Variants in PCDH11X observed in about 807,000 individuals in gnomAD.
The protein encoded by PCDH11X is protocadherin-11 X-linked.
A neutral mutation model predicts 53.3 loss-of-function variants in PCDH11X; 18 were observed. The ratio of observed to expected loss-of-function variants is 0.34; its 90% CI spans 0.23 to 0.50. The LOEUF (loss-of-function observed/expected upper bound fraction) is 0.50. PCDH11X is among the 20% of genes least tolerant of loss of function. The pLI, the probability that PCDH11X is intolerant of heterozygous loss-of-function variation, is 0.98. For missense variants in PCDH11X, 570 were observed against 1,032.4 expected (o/e 0.55, Z 6.14); for synonymous variants, 279 against 393.3 (o/e 0.71, Z 3.44).
intron 7 of PCDH11X, among the ~76,000 whole-genome samples, chrX:92,247,804 A>T (rs1487433133): frequency 1.8e-5 from 2 of 111,485 alleles, no homozygotes; most frequent in Non-Finnish European, 3.8e-5. Context: ...ATCTGCAAAG[A>T]CCTTATTTCC....
chrX:92,257,060 G>A (rs2067606978), intron 7 of PCDH11X, among the ~76,000 whole-genome samples: 1 of 111,846 alleles, frequency 8.9e-6, no homozygotes, highest in South Asian at 3.8e-4. Context: ...AAGCATAGCA[G>A]CTTCTGCTTC....
At chrX:92,084,840 T>C (rs998310901) in intron 6 of PCDH11X, among the ~76,000 whole-genome samples, 19 of 110,973 alleles carry the variant, frequency 1.7e-4, no homozygotes, top group African/African-American at 5.3e-4. Flanking sequence ...TTAGTTATGA[T>C]TGTAAATGAT....
chrX:91,969,806 AAAAAGG>A (rs2061923685), intron 6 of PCDH11X, among the ~76,000 whole-genome samples: 1 of 108,306 alleles, frequency 9.2e-6, no homozygotes, highest in Admixed American at 9.9e-5. Flanking sequence ...AAAAAAAAAA[AAAAAGG>A]AAAAAAGAAA....
intron 10 of PCDH11X, among the ~76,000 whole-genome samples, chrX:92,585,227 G>A (rs1924238769): frequency 9.1e-6 from 1 of 110,433 alleles, no homozygotes; most frequent in African/African-American, 3.3e-5. Context: ...ATTCATCCCC[G>A]TAATCCGATC....
chrX:92,214,860 GC>G (rs1200240958), intron 7 of PCDH11X, among the ~76,000 whole-genome samples: 1 of 110,838 alleles, frequency 9.0e-6, no homozygotes, highest in Non-Finnish European at 1.9e-5. Flanking sequence ...ACCAGCATGG[GC>G]AGCACAGCGA....
chrX:91,814,989 AC>A (rs1414364273), intron 4 of PCDH11X, among the ~76,000 whole-genome samples: 1 of 111,551 alleles, frequency 9.0e-6, no homozygotes, highest in Non-Finnish European at 1.9e-5. Context: ...TGTTCCAGGA[AC>A]TGTTCTAAGT....
At chrX:91,884,749 G>T (rs747833286) in intron 6 of PCDH11X, among the ~76,000 whole-genome samples, 1 of 110,989 alleles carries the variant, frequency 9.0e-6, no homozygotes, top group South Asian at 3.8e-4. Flanking sequence ...TGTTTATTGG[G>T]ATAAAAAGGG....
chrX:91,839,680 G>A (rs1483867102), intron 5 of PCDH11X, among the ~76,000 whole-genome samples: 1 of 110,185 alleles, frequency 9.1e-6, no homozygotes, highest in African/African-American at 3.3e-5. Flanking sequence ...AAGTAATTCT[G>A]CTTGTTTAAA....
intron 6 of PCDH11X, among the ~76,000 whole-genome samples, chrX:92,005,232 C>T (rs2062579582): frequency 9.0e-6 from 1 of 111,150 alleles, no homozygotes; most frequent in South Asian, 3.8e-4. Context: ...TTGCCATTTT[C>T]TTATTTATTT....
chrX:92,239,003 GT>G (rs753401834), intron 7 of PCDH11X, among the ~76,000 whole-genome samples: 246 of 110,844 alleles, frequency 2.2e-3, no homozygotes, highest in Non-Finnish European at 4.2e-3. Context: ...TTTGAAATAT[GT>G]TTTACCTATC....
chrX:91,839,943 G>A (rs929034671), intron 5 of PCDH11X, among the ~76,000 whole-genome samples: 2 of 111,741 alleles, frequency 1.8e-5, no homozygotes, highest in African/African-American at 6.5e-5. Flanking sequence ...ACTACACATT[G>A]CAGTATTTCG....
chrX:92,331,369 CTTT>C (rs1160068861), intron 8 of PCDH11X, among the ~76,000 whole-genome samples: 1 of 51,958 alleles, frequency 1.9e-5, no homozygotes, highest in African/African-American at 1.0e-4. Flanking sequence ...CCTCCTCCTC[CTTT>C]TCCTCCTCCT....
At chrX:92,083,970 C>T (rs1032841627) in intron 6 of PCDH11X, among the ~76,000 whole-genome samples, 4 of 109,117 alleles carry the variant, frequency 3.7e-5, no homozygotes, top group African/African-American at 1.3e-4. Flanking sequence ...TGCCTGTAAT[C>T]CCAGCTACTC....
intron 6 of PCDH11X, among the ~76,000 whole-genome samples, chrX:91,919,117 C>T (rs973501736): frequency 8.9e-6 from 1 of 111,759 alleles, no homozygotes; most frequent in South Asian, 3.7e-4. Context: ...GAGAACTACT[C>T]AGGTCAGAAT....
intron 6 of PCDH11X, among the ~76,000 whole-genome samples, chrX:91,975,858 G>T (rs1158193133): frequency 9.1e-6 from 1 of 110,260 alleles, no homozygotes; most frequent in Non-Finnish European, 1.9e-5. Context: ...ATCAATAATA[G>T]ACAGCTTAAG....
chrX:92,572,104 A>T (rs1409126225), intron 10 of PCDH11X, among the ~76,000 whole-genome samples: 2 of 112,435 alleles, frequency 1.8e-5, no homozygotes, highest in Non-Finnish European at 3.7e-5. Flanking sequence ...TAACATTCTA[A>T]TGCTGATTAC....
intron 6 of PCDH11X, 150 bp from the exon 7 acceptor site, chrX:92,201,225 T>A: frequency 2.7e-6 from 2 of 728,054 alleles, no homozygotes; most frequent in Non-Finnish European, 3.9e-6. Context: ...CAATAACCAT[T>A]TGTTACATAA....
At chrX:92,422,609 T>C (rs142701872) in intron 9 of PCDH11X, among the ~76,000 whole-genome samples, 1,275 of 111,729 alleles carry the variant, frequency 0.011, 20 homozygotes, top group African/African-American at 0.039. Context: ...ATTGTGCTGC[T>C]ATGAACATGC....
chrX:92,493,064 T>A (rs2073794621), intron 10 of PCDH11X, among the ~76,000 whole-genome samples: 1 of 111,432 alleles, frequency 9.0e-6, no homozygotes, highest in Non-Finnish European at 1.9e-5. Context: ...TGTTTTCTTT[T>A]TTCAAACTCT....
Sources: gnomAD v4.1 joint callset for allele counts (sites outside exome capture counted in the v4.1 genomes callset) on GRCh38, gnomAD v4.1.1 for gene constraint, MANE v1.5 for transcripts, NCBI Gene and HGNC (gene_info 2026-07-23, HGNC 2026-07-21) for gene names.